Variants in ABCA2 observed in about 807,000 individuals in gnomAD.
ABCA2 encodes the protein ATP-binding cassette sub-family A member 2.
ABCA2 carries 84 observed loss-of-function variants against 262.8 expected under a neutral mutation model. The observed-to-expected ratio is 0.32, with a 90% confidence interval of 0.27 to 0.38. ABCA2 has a LOEUF of 0.38. Ranked by LOEUF, ABCA2 falls within the 10% of genes least tolerant of loss-of-function variation. The pLI is 1.00. For missense variants in ABCA2, 2,662 were observed against 3,405.9 expected, an observed-to-expected ratio of 0.78 and a Z score of 5.44; for synonymous variants, 1,696 against 1,502.9, an observed-to-expected ratio of 1.13 and a Z score of -2.97.
chr9:137,014,165 C>T lies in ABCA2; in HGVS notation c.4240+3G>A, dbSNP rs755018967. 47 of 1,605,534 alleles carry T rather than the reference C, an allele frequency of 2.9e-5. No homozygotes were observed. Among genetic ancestry groups the T allele is most frequent in the Non-Finnish European group, 3.3e-5 (39 of 1,176,236 alleles). The stretch of plus-strand genomic sequence containing the variant: ...TGTCCCAGCCTCACCCTGCCACCCC[C>T]ACCTTGCAGGCTGACATTGTCTGGG... On this transcript the variant is annotated splice_donor_region_variant and intron_variant, in intron 27 of 48. Transcript: ENST00000341511.
rs200606263 is a variant in ABCA2, at chr9:137,008,944, G to A, written c.6930+7C>T. 512 of 1,427,030 alleles carry A rather than the reference G, an allele frequency of 3.6e-4. 1 individual carries two copies. In the African/African-American group the frequency reaches 7.4e-3, roughly 21 times the overall value. The allele number at this position is 1,427,030 out of a possible 1,614,324, so 88.4% of individuals were successfully genotyped here. A position where few individuals can be genotyped will look rare whatever the true frequency, so the allele number is the denominator to read the frequency against. Reference sequence around the variant, plus strand: ...CCCCCTCCACAACCCTGCCCGGGACGGCGCACCTTGAGCATGGCTTCCGGG... The same window carrying A: ...CCCCCTCCACAACCCTGCCCGGGACAGCGCACCTTGAGCATGGCTTCCGGG... On this transcript the variant is annotated splice_region_variant and intron_variant, in intron 46 of 48. Coordinates refer to ENST00000341511, the MANE Select transcript of ABCA2 (RefSeq NM_001606.5).
rs988598947 is a variant in ABCA2, at chr9:137,012,140, G to C, written c.5322C>G (p.Pro1774=). 2 of 1,612,372 alleles carry C rather than the reference G, an allele frequency of 1.2e-6. No individual in the cohort carries two copies. Among genetic ancestry groups the C allele is most frequent in the African/African-American group, 2.7e-5 (2 of 74,866 alleles). ...AGAGGCTGGCGCTGGTCTTATTCAT[G>C]GGGTGGTTGGTGACGGTGATGCCTG... is the stretch of plus-strand genomic sequence containing the variant. ...AAYGITVTNH[P]MNKTSASLSL... is the part of the protein sequence containing the mutation. Residue 1774 remains proline (P), a synonymous_variant, in exon 34 of 49, where the codon CCC becomes CCG. Coordinates refer to ENST00000341511, the MANE Select transcript of ABCA2 (RefSeq NM_001606.5).
chr9:137,014,433 C>A (rs754171742), intron 26 of ABCA2, 29 bp from the exon 27 acceptor site: 3 of 1,555,670 alleles, frequency 1.9e-6, no homozygotes, highest in Non-Finnish European at 2.6e-6. Flanking sequence ...CGAGGGGACA[C>A]TCAGGGCTAC....
chr9:137,027,747 G>C (rs1000008365), intron 1 of ABCA2: 1 of 152,234 alleles, frequency 6.6e-6, no homozygotes, highest in Admixed American at 6.5e-5. Flanking sequence ...GGCCTCCCTC[G>C]AGCCAGAGTC....
In ABCA2 at chr9:137,019,292, A is replaced by C; in HGVS notation, c.1440T>G (p.Phe480Leu). ...AGTGAGTCACGTTGCCCACAAAAGC[A>C]AAAGTCTCGTTGGCCTGCAGGGGGT... ...DRVILKANET[F>L]AFVGNVTHYA... Residue 480 changes from phenylalanine (F) to leucine (L), a missense_variant, in exon 11 of 49, where the codon TTT becomes TTG. Transcript: ENST00000341511. This position sits in a 1 kb window ranked among gnomAD's most constrained non-coding sequence, Gnocchi z 4.4. The C allele has an allele frequency of 6.2e-7, 1 of 1,612,448 alleles. No homozygotes were observed. Among genetic ancestry groups the C allele is most frequent in the Non-Finnish European group, 8.5e-7 (1 of 1,179,802 alleles).
chr9:137,022,056 GT>G (rs1305472873), intron 6 of ABCA2, 55 bp from the exon 7 acceptor site: 32 of 1,241,304 alleles, frequency 2.6e-5, no homozygotes, highest in Admixed American at 1.2e-4. Context: ...GGCTCAGATG[GT>G]GGGGGCGTGG....
Position 137,008,963 on chromosome 9 carries a change from T to C in ABCA2, c.6918A>G (p.Glu2306=). ...CGGGACGGCGCACCTTGAGCATGGC[T>C]TCCGGGAAGTTGCGGTTGAAGAACC... ...VVRFFNRNFP[E]AMLKERHHTK... is the part of the protein sequence containing the mutation. Residue 2306 remains glutamate (E), a synonymous_variant, in exon 46 of 49, where the codon GAA becomes GAG. Transcript: ENST00000341511. 1 of 1,525,248 alleles carries C rather than the reference T, an allele frequency of 6.6e-7. No individual in the cohort carries two copies. 94.5% of individuals were successfully genotyped at this position (1,525,248 alleles called of 1,614,324 possible).
Position 137,013,995 on chromosome 9 carries a change from G to A in ABCA2, c.4284C>T (p.Arg1428=). ...CCTTCAGCCACCCGCCGTCCAGCTT[G>A]CGGCTGCCCTGGCCGACCCTCGACA... is the stretch of plus-strand genomic sequence containing the variant. ...EALSRVGQGS[R]KLDGGWLKVR... Residue 1428 remains arginine, a synonymous_variant, in exon 28 of 49, where the codon CGC becomes CGT. Transcript: ENST00000341511. 1 of 1,612,110 alleles carries A rather than the reference G, an allele frequency of 6.2e-7. No individual in the cohort carries two copies. The highest frequency in any genetic ancestry group is 8.5e-7 in the Non-Finnish European group (1 of 1,179,878).
rs1831462029 is a variant in ABCA2 at position 137,021,779 on chromosome 9, C to T, written c.678+112G>A. 2.4e-6 allele frequency: 3 copies of T among 1,265,196 alleles called. No homozygotes were observed. The South Asian group carries it at 4.0e-5, about 17-fold the overall frequency. 78.4% of individuals were successfully genotyped at this position (1,265,196 alleles called of 1,614,324 possible). A position where few individuals can be genotyped will look rare whatever the true frequency, so the allele number is the denominator to read the frequency against. On this transcript the variant is annotated intron_variant, in intron 7 of 48. Transcript: ENST00000341511. The surrounding 1 kb of genome is among the most constrained non-coding windows in gnomAD (Gnocchi z 6.0). ...CATAGACCCCTGGGACCCTCCCCCT[C>T]TCCCAGGAGGAGCTCCAAGTCACCA...
chr9:137,021,458 G>A lies in ABCA2; in HGVS notation c.831C>T (p.Ala277=), dbSNP rs772134209. ...AVCSGQAAAR[A]RRFSGLSAEL... ...CAGCAGACAGCCCAGAGAAGCGCCT[G>A]GCACGCGCAGCAGCCTGCCCACTGC... Residue 277 remains alanine (A), a synonymous_variant, in exon 8 of 49, where the codon GCC becomes GCT. Transcript: ENST00000341511. The surrounding 1 kb of genome is among the most constrained non-coding windows in gnomAD (Gnocchi z 6.0). 1.2e-6 allele frequency: 2 copies of A among 1,612,010 alleles called. No individual in the cohort carries two copies. Among genetic ancestry groups the A allele is most frequent in the African/African-American group, 2.7e-5 (2 of 74,924 alleles).
chr9:137,024,320 C>T, intron 1 of ABCA2, 84 bp from the exon 2 acceptor site: 1 of 1,209,786 alleles, frequency 8.3e-7, no homozygotes, highest in African/African-American at 1.5e-5. Context: ...CTGGCCCAGC[C>T]CAGACAGGAC....
At chr9:137,015,902 T>C (rs1188563386) in intron 22 of ABCA2, 31 bp from the exon 23 acceptor site, 4 of 1,607,326 alleles carry the variant, frequency 2.5e-6, no homozygotes, top group Middle Eastern at 1.7e-4. Flanking sequence ...ATGGGGCTGC[T>C]GCTATGCAGA....
rs989369385 is a variant in ABCA2 at position 137,024,125 on chromosome 9, G to A, written c.160+18C>T. On this transcript the variant is annotated intron_variant, in intron 2 of 48. Transcript: ENST00000341511. ...CCGCGCTCCCCCGGCTGTGCCTGGG[G>A]CCTCCTGCCGCACTCACCTTCCTTC... 4 of 1,597,058 alleles carry A rather than the reference G, an allele frequency of 2.5e-6. No homozygotes were observed. Among genetic ancestry groups the A allele is most frequent in the East Asian group, 2.3e-5 (1 of 44,384 alleles).
rs546029799 is a variant in ABCA2, at chr9:137,022,604, T to G, written c.439+98A>C. 20 of 1,557,150 alleles carry G rather than the reference T, an allele frequency of 1.3e-5. No individual in the cohort carries two copies. The East Asian group carries it at 3.4e-4, about 27-fold the overall frequency. ...AGCCTGTGCGTGGCTGGGAACTCAG[T>G]GCAGGTGGAGGGGCCCAGAGTGGAT... On this transcript the variant is annotated intron_variant, in intron 5 of 48. Coordinates refer to ENST00000341511, the MANE Select transcript of ABCA2 (RefSeq NM_001606.5).
At position 137,011,357 on chromosome 9, in the gene ABCA2, G is replaced by A. The variant is rs757969124; in HGVS notation, c.5800-48C>T. On this transcript the variant is annotated intron_variant, in intron 37 of 48. Coordinates refer to ENST00000341511, the MANE Select transcript of ABCA2 (RefSeq NM_001606.5). The surrounding 1 kb of genome is among the most constrained non-coding windows in gnomAD (Gnocchi z 8.8). ...GGCACAGGGGTGGCCGGGGTGAGGG[G>A]CACAGCCTCCGCAGGGTCCGCCACC... 2.5e-6 allele frequency: 4 copies of A among 1,604,786 alleles called. No individual in the cohort carries two copies. The highest frequency in any genetic ancestry group is 3.4e-5 in the Admixed American group (2 of 59,458).
chr9:137,015,898 C>G (rs1423301706), intron 22 of ABCA2, 27 bp from the exon 23 acceptor site: 2 of 1,607,058 alleles, frequency 1.2e-6, no homozygotes. Context: ...GGGCATGGGG[C>G]TGCTGCTATG....
At position 137,013,281 on chromosome 9, in the gene ABCA2, C is replaced by G. The variant is rs1338370446; in HGVS notation, c.4588G>C (p.Val1530Leu). The G allele has an allele frequency of 1.9e-6, 3 of 1,581,412 alleles. No homozygotes were observed. Among genetic ancestry groups the G allele is most frequent in the Admixed American group, 3.4e-5 (2 of 58,438 alleles). ...CCCGACGGCAGCCGGAACGTGCTCA[C>G]GAGCTGCTGGGGGCTGGCGTCGGGC... is the stretch of plus-strand genomic sequence containing the variant. ...LSPDASPQQL[V>L]STFRLPSGVG... Residue 1530 changes from valine (V) to leucine (L), a missense_variant, in exon 30 of 49, where the codon GTG becomes CTG. This residue lies in a region of ABCA2 where 192 missense variants were observed against 207.2 expected (regional missense o/e 0.93). Coordinates refer to ENST00000341511, the MANE Select transcript of ABCA2 (RefSeq NM_001606.5).
At chr9:137,010,548 C>T in intron 40 of ABCA2, 72 bp downstream of exon 40, 1 of 1,553,978 alleles carries the variant, frequency 6.4e-7, no homozygotes, top group South Asian at 1.1e-5. Context: ...GCTCCACCTC[C>T]ACTGCTGGGG....
At chr9:137,023,439 C>T (rs778508930) in intron 3 of ABCA2, 18 of 712,900 alleles carry the variant, frequency 2.5e-5, no homozygotes, top group Non-Finnish European at 4.7e-5. Context: ...CCTCTGACCT[C>T]TGGCCAGCTG....
Sources: gnomAD v4.1 joint callset for allele counts on GRCh38, gnomAD v4.1.1 for gene constraint, gnomAD v4.1.1 regional missense constraint, Gnocchi (gnomAD v3.1) non-coding constraint, MANE v1.5 for transcripts, NCBI Gene and HGNC (gene_info 2026-07-23, HGNC 2026-07-21) for gene names.